The following MAGI2 variants were observed in gnomAD, a reference collection of about 807,000 sequenced individuals.
MAGI2 encodes the protein membrane-associated guanylate kinase, WW and PDZ domain-containing protein 2.
Under a neutral mutation model 133.3 loss-of-function variants are expected in MAGI2, and 35 were observed. That is an observed-to-expected ratio of 0.26 (90% CI 0.20 to 0.35). The LOEUF (loss-of-function observed/expected upper bound fraction) is 0.35. Among genes scored for constraint, MAGI2 ranks in the 10% least tolerant of loss-of-function variants. The pLI is 1.00. For missense variants in MAGI2, 1,636 were observed against 1,863.4 expected, an observed-to-expected ratio of 0.88 and a Z score of 2.25; for synonymous variants, 729 against 710.6, an observed-to-expected ratio of 1.03 and a Z score of -0.41.
Position 79,095,250 on chromosome 7 carries a change from C to A in MAGI2, c.302-88044G>T, listed in dbSNP as rs966982739. ...AGAGTTAGGGTTTGCTCTGGATTAA[C>A]CTTTGACACAAGACAGTGCGGTGGC... On this transcript the variant is annotated intron_variant, in intron 1 of 21. Transcript: ENST00000354212. 1.7e-4 allele frequency among the ~76,000 whole-genome samples: 26 copies of A among 152,206 alleles called. No homozygotes were observed. In the East Asian group the frequency reaches 4.0e-3, roughly 24 times the overall value.
chr7:78,598,060 G>A (rs564540119), intron 3 of MAGI2, among the ~76,000 whole-genome samples: 206 of 152,232 alleles, frequency 1.4e-3, no homozygotes, highest in African/African-American at 4.7e-3. Context: ...TCCTGGGATG[G>A]TCCTCAAAGA....
intron 10 of MAGI2, among the ~76,000 whole-genome samples, chr7:78,201,520 G>GA (rs1455523191): frequency 1.3e-4 from 20 of 152,232 alleles, no homozygotes; most frequent in Non-Finnish European, 5.9e-5. Flanking sequence ...CACAGCCTTA[G>GA]TGGGAAAGAG....
At chr7:78,783,592 G>T (rs1360694158) in intron 2 of MAGI2, among the ~76,000 whole-genome samples, 2 of 152,202 alleles carry the variant, frequency 1.3e-5, no homozygotes, top group African/African-American at 2.4e-5. Flanking sequence ...GGAACCTGGA[G>T]CTTTGCCCCC....
At chr7:79,059,309 G>T (rs931579164) in intron 1 of MAGI2, among the ~76,000 whole-genome samples, 6 of 151,962 alleles carry the variant, frequency 3.9e-5, no homozygotes, top group African/African-American at 1.5e-4. Flanking sequence ...GTCCAAAATT[G>T]TATTCCTAGT....
intron 2 of MAGI2, among the ~76,000 whole-genome samples, chr7:78,950,164 T>G (rs1801751282): frequency 6.6e-6 from 1 of 152,174 alleles, no homozygotes; most frequent in Non-Finnish European, 1.5e-5. Flanking sequence ...CTTCCCCAGC[T>G]GGCTGCTCAT....
At chr7:78,699,517 C>T (rs1817852704) in intron 2 of MAGI2, among the ~76,000 whole-genome samples, 1 of 152,136 alleles carries the variant, frequency 6.6e-6, no homozygotes, top group South Asian at 2.1e-4. Flanking sequence ...GGGTTCCATC[C>T]TTAAGACATC....
intron 2 of MAGI2, among the ~76,000 whole-genome samples, chr7:78,892,835 T>C (rs1316103246): frequency 3.3e-5 from 5 of 152,042 alleles, no homozygotes; most frequent in Admixed American, 2.6e-4. Flanking sequence ...ACTTCATGTC[T>C]AAAACACCAA....
chr7:79,066,058 T>A (rs1814291130), intron 1 of MAGI2, among the ~76,000 whole-genome samples: 1 of 152,182 alleles, frequency 6.6e-6, no homozygotes, highest in African/African-American at 2.4e-5. Flanking sequence ...TGATTTATAA[T>A]CCTTTGGGTA....
At chr7:78,983,150 C>CCT (rs1804934688) in intron 2 of MAGI2, among the ~76,000 whole-genome samples, 1 of 151,738 alleles carries the variant, frequency 6.6e-6, no homozygotes, top group Non-Finnish European at 1.5e-5. Context: ...TTCTTTCTGG[C>CCT]TTTTAAAATG....
chr7:79,044,851 GA>G (rs1176445302), intron 1 of MAGI2, among the ~76,000 whole-genome samples: 2 of 152,090 alleles, frequency 1.3e-5, no homozygotes, highest in African/African-American at 4.8e-5. Flanking sequence ...TAACCACTTG[GA>G]AAAGTTTGAC....
At chr7:78,136,949 G>A (rs1822205136) in intron 16 of MAGI2, among the ~76,000 whole-genome samples, 1 of 151,810 alleles carries the variant, frequency 6.6e-6, no homozygotes, top group Non-Finnish European at 1.5e-5. Flanking sequence ...AACTCATCAT[G>A]TTGGAAACTA....
intron 2 of MAGI2, among the ~76,000 whole-genome samples, chr7:78,939,101 C>T (rs1406129279): frequency 6.6e-6 from 1 of 152,136 alleles, no homozygotes; most frequent in Non-Finnish European, 1.5e-5. Context: ...TCAAGCAATT[C>T]TCCTGCCTTG....
intron 1 of MAGI2, among the ~76,000 whole-genome samples, chr7:79,170,446 G>A (rs975696539): frequency 6.6e-6 from 1 of 151,906 alleles, no homozygotes; most frequent in African/African-American, 2.4e-5. Context: ...AAAGTGCTGG[G>A]ATTGCAGGTG....
intron 1 of MAGI2, among the ~76,000 whole-genome samples, chr7:79,287,932 T>C (rs922750122): frequency 1.3e-5 from 2 of 152,084 alleles, no homozygotes; most frequent in Non-Finnish European, 2.9e-5. Flanking sequence ...ATATAAAATG[T>C]AGAACATTTT....
At chr7:78,020,027 G>C in intron 21 of MAGI2, 51 bp from the exon 22 acceptor site, 1 of 1,493,958 alleles carries the variant, frequency 6.7e-7, no homozygotes. Context: ...GGACGTCCCC[G>C]TGCCCTCTCT....
At chr7:78,197,547 T>C (rs1828851341) in intron 11 of MAGI2, among the ~76,000 whole-genome samples, 4 of 152,198 alleles carry the variant, frequency 2.6e-5, no homozygotes, top group Non-Finnish European at 5.9e-5. Flanking sequence ...ATCTTAAAAC[T>C]ACAGAACAAG....
chr7:79,366,071 G>A (rs1287006711), intron 1 of MAGI2, among the ~76,000 whole-genome samples: 6 of 150,890 alleles, frequency 4.0e-5, no homozygotes, highest in South Asian at 2.1e-4. Context: ...GTGAAACCCC[G>A]TTTCTACTAC....
At chr7:78,361,177 C>T (rs951657571) in intron 7 of MAGI2, among the ~76,000 whole-genome samples, 4 of 151,954 alleles carry the variant, frequency 2.6e-5, no homozygotes, top group African/African-American at 9.7e-5. Flanking sequence ...GGGTGGATCA[C>T]GAGGTCAGGA....
intron 2 of MAGI2, among the ~76,000 whole-genome samples, chr7:78,829,628 A>T (rs1455267450): frequency 2.0e-5 from 3 of 152,128 alleles, no homozygotes; most frequent in African/African-American, 7.2e-5. Context: ...CTGGCATCAT[A>T]CAGTGAAATA....
Sources: gnomAD v4.1 joint callset for allele counts (sites outside exome capture counted in the v4.1 genomes callset) on GRCh38, gnomAD v4.1.1 for gene constraint, MANE v1.5 for transcripts, NCBI Gene and HGNC (gene_info 2026-07-23, HGNC 2026-07-21) for gene names.